TTC29: variants seen among roughly 807,000 people sequenced by gnomAD.
TTC29 encodes tetratricopeptide repeat protein 29.
A neutral mutation model predicts 58.1 loss-of-function variants in TTC29; 49 were observed. The observed-to-expected ratio is 0.84, with a 90% CI of 0.67 to 1.07. The LOEUF (loss-of-function observed/expected upper bound fraction) is 1.07, where lower values mean the gene tolerates loss of function less well. Among genes scored for constraint, TTC29 ranks in the 50% least tolerant of loss-of-function variants. TTC29 has a pLI of 0.00. For synonymous variants in TTC29, 209 were observed against 196.8 expected, an observed-to-expected ratio of 1.06 and a Z score of -0.52; for missense variants, 582 against 555.6, an observed-to-expected ratio of 1.05 and a Z score of -0.48.
chr4:146,867,194 C>G (rs1452381643), intron 8 of TTC29, among the ~76,000 whole-genome samples: 3 of 152,084 alleles, frequency 2.0e-5, no homozygotes, highest in Admixed American at 6.6e-5. Context: ...ATCACTTAAA[C>G]CTATTTCCTC....
chr4:146,777,828 G>T (rs759408050), intron 11 of TTC29, among the ~76,000 whole-genome samples: 1 of 152,236 alleles, frequency 6.6e-6, no homozygotes, highest in Non-Finnish European at 1.5e-5. Flanking sequence ...TGGATATGGT[G>T]TGTGAGAAAG....
chr4:146,903,343 A>G (rs1733283374), intron 6 of TTC29, among the ~76,000 whole-genome samples: 1 of 152,150 alleles, frequency 6.6e-6, no homozygotes, highest in African/African-American at 2.4e-5. Context: ...AAGCATGAGC[A>G]AGGGATTCTG....
At chr4:146,717,770 A>G (rs150908065) in intron 11 of TTC29, among the ~76,000 whole-genome samples, 124 of 152,278 alleles carry the variant, frequency 8.1e-4, no homozygotes, top group African/African-American at 2.8e-3. Flanking sequence ...TTACCGTCTT[A>G]GAGATTCTGA....
chr4:146,892,121 T>A (rs954940361), intron 6 of TTC29, among the ~76,000 whole-genome samples: 1 of 152,142 alleles, frequency 6.6e-6, no homozygotes, highest in African/African-American at 2.4e-5. Context: ...GGGGGCAGAC[T>A]TCCCCCTTGC....
chr4:146,762,117 C>A (rs2150063459), intron 11 of TTC29, among the ~76,000 whole-genome samples: 1 of 151,748 alleles, frequency 6.6e-6, no homozygotes, highest in East Asian at 1.9e-4. Flanking sequence ...GGTTTATTTG[C>A]CTAGTTTTAT....
In TTC29 at chr4:146,943,401, A is replaced by G. The variant is rs1025980959; in HGVS notation, c.-7+1630T>C. ...GTCAGAGCTGAATGATAAAGTGGAA[A>G]AAAAGTTATCAGAGCTGAATGATAA... is the stretch of plus-strand genomic sequence containing the variant. On this transcript the variant is annotated intron_variant, in intron 2 of 12. Coordinates refer to ENST00000325106, the MANE Select transcript of TTC29 (RefSeq NM_031956.4). Among the ~76,000 whole-genome samples the G allele has an allele frequency of 3.3e-5, 5 of 152,236 alleles. No individual in the cohort carries two copies. In the South Asian group the frequency reaches 8.3e-4, roughly 25 times the overall value.
chr4:146,844,125 C>T (rs1419697810), intron 8 of TTC29, among the ~76,000 whole-genome samples: 5 of 152,154 alleles, frequency 3.3e-5, no homozygotes, highest in African/African-American at 2.4e-5. Context: ...AATTATCTTT[C>T]ACATGCTAAG....
chr4:146,921,670 A>C (rs1344322898), intron 4 of TTC29, among the ~76,000 whole-genome samples: 3 of 151,210 alleles, frequency 2.0e-5, no homozygotes, highest in African/African-American at 7.3e-5. Context: ...AAAAATACAT[A>C]AAATTAACAG....
intron 2 of TTC29, chr4:146,942,698 A>T (rs2150342647): frequency 7.2e-7 from 1 of 1,384,650 alleles, no homozygotes; most frequent in African/African-American, 1.4e-5. Context: ...GTAAATTTAA[A>T]AAGGGAGAGA....
chr4:146,711,328 C>CTTCAAAA (rs1208883083), intron 11 of TTC29, among the ~76,000 whole-genome samples: 1 of 152,148 alleles, frequency 6.6e-6, no homozygotes, highest in Non-Finnish European at 1.5e-5. Flanking sequence ...AGAATTTCTT[C>CTTCAAAA]ATATGGTTTT....
At chr4:146,903,120 A>G (rs1040482123) in intron 6 of TTC29, among the ~76,000 whole-genome samples, 5 of 152,168 alleles carry the variant, frequency 3.3e-5, no homozygotes, top group African/African-American at 1.2e-4. Flanking sequence ...TTAAATGAGT[A>G]TTACATTCAG....
rs70958534 is a variant in TTC29 at position 146,930,084 on chromosome 4, C to CATATATATATAT, written c.176+7498_176+7509dup. On this transcript the variant is annotated intron_variant, in intron 4 of 12. Transcript: ENST00000325106. ...CTACATATATTTGTATGTGTGTGTG[C>CATATATATATAT]ATATATATATATATATATATATATA... Among the ~76,000 whole-genome samples the CATATATATATAT allele has an allele frequency of 6.7e-3, 515 of 77,312 alleles. 9 individuals are homozygous for CATATATATATAT. Among genetic ancestry groups the CATATATATATAT allele is most frequent in the Non-Finnish European group, 7.8e-3 (327 of 42,168 alleles). The allele number at this position is 77,312 out of a possible 152,430, so 50.7% of individuals were successfully genotyped here.
chr4:146,836,654 G>T lies in TTC29; in HGVS notation c.886-2757C>A, dbSNP rs114441031. Among the ~76,000 whole-genome samples the T allele has an allele frequency of 4.8e-3, 728 of 152,094 alleles. 6 individuals carry two copies. The highest frequency in any genetic ancestry group is 0.017 in the African/African-American group (685 of 41,498). ...AAGATACAGATGTTTTAATTTACAA[G>T]AAAAACTCAACCTTATTAAAAAGTG... On this transcript the variant is annotated intron_variant, in intron 8 of 12. Transcript: ENST00000325106.
At chr4:146,783,955 C>G (rs1249125776) in intron 11 of TTC29, among the ~76,000 whole-genome samples, 1 of 151,892 alleles carries the variant, frequency 6.6e-6, no homozygotes, top group African/African-American at 2.4e-5. Context: ...AACTGGAAAC[C>G]TAAGACTCAT....
At chr4:146,871,282 A>T (rs898263425) in intron 7 of TTC29, among the ~76,000 whole-genome samples, 2 of 151,882 alleles carry the variant, frequency 1.3e-5, no homozygotes, top group Non-Finnish European at 2.9e-5. Flanking sequence ...GCAAAATCCA[A>T]CCCCCTTTCA....
At chr4:146,820,714 A>G (rs75908833) in intron 9 of TTC29, among the ~76,000 whole-genome samples, 9,354 of 152,272 alleles carry the variant, frequency 0.061, 394 homozygotes, top group Admixed American at 0.13. Flanking sequence ...GTATACCTAC[A>G]ATGAAATATT....
intron 8 of TTC29, among the ~76,000 whole-genome samples, chr4:146,863,121 CAA>C (rs577730929): frequency 3.8e-4 from 29 of 76,568 alleles, no homozygotes; most frequent in Admixed American, 5.9e-4. Context: ...GACTCCGCCT[CAA>C]AAAAAAAAAA....
chr4:146,905,159 C>A (rs2150275594), intron 5 of TTC29, among the ~76,000 whole-genome samples: 1 of 152,232 alleles, frequency 6.6e-6, no homozygotes, highest in South Asian at 2.1e-4. Flanking sequence ...CCTCAGAATA[C>A]TTCTGTGCTT....
chr4:146,913,045 G>A (rs1733994349), intron 4 of TTC29, among the ~76,000 whole-genome samples: 1 of 152,130 alleles, frequency 6.6e-6, no homozygotes, highest in African/African-American at 2.4e-5. Context: ...GGAGTTTCAG[G>A]AGCCTGAGGG....
Sources: allele counts gnomAD v4.1 joint callset (sites outside exome capture counted in the v4.1 genomes callset), GRCh38; gene constraint gnomAD v4.1.1; transcripts MANE v1.5; gene names NCBI Gene and HGNC (gene_info 2026-07-23, HGNC 2026-07-21).